Variants in DDX54 observed in about 807,000 individuals in gnomAD.
DDX54 encodes DEAD-box helicase 54.
Under a neutral mutation model 105.5 loss-of-function variants are expected in DDX54, and 67 were observed. The ratio of observed to expected loss-of-function variants is 0.64; its 90% CI spans 0.52 to 0.78. The LOEUF is 0.78. Among genes scored for constraint, DDX54 ranks in the 30% least tolerant of loss-of-function variants. The probability of loss-of-function intolerance (pLI) is 0.00; values close to 1 mark genes in which losing one functional copy is unlikely to be tolerated. For synonymous variants in DDX54, 514 were observed against 509.9 expected (o/e 1.01, Z -0.11); for missense variants, 1,206 against 1,230.5 (o/e 0.98, Z 0.30).
intron 7 of DDX54, among the ~76,000 whole-genome samples, chr12:113,175,720 C>T (rs961642816): frequency 5.3e-5 from 8 of 151,500 alleles, no homozygotes; most frequent in East Asian, 1.9e-4. Context: ...ACCCAGGAGG[C>T]GGAGCTTGCA....
In DDX54 at chr12:113,158,621, A is replaced by C. The variant is rs565984923; in HGVS notation, c.*256T>G. The C allele has an allele frequency of 2.2e-6, 1 of 464,854 alleles. No individual in the cohort carries two copies. The highest frequency in any genetic ancestry group is 2.0e-5 in the African/African-American group (1 of 49,904). The allele number at this position is 464,854 out of a possible 1,614,324, so 28.8% of individuals were successfully genotyped here. On this transcript the variant is annotated 3_prime_UTR_variant, in exon 20 of 20. Transcript: ENST00000306014. The surrounding 1 kb of genome is among the most constrained non-coding windows in gnomAD (Gnocchi z 4.9). ...GGAAGCAGCAGCAGCTGAGTTGCCA[A>C]CTCAAGTCTTGGCCTGCCTGGCTTT...
At chr12:113,178,956 C>T in intron 5 of DDX54, 21 bp downstream of exon 5, 1 of 1,613,622 alleles carries the variant, frequency 6.2e-7, no homozygotes. Flanking sequence ...GTGACCCTGG[C>T]ATGGGGTGCA....
chr12:113,167,584 C>T (rs987502792), intron 12 of DDX54, among the ~76,000 whole-genome samples: 6 of 152,166 alleles, frequency 3.9e-5, no homozygotes, highest in African/African-American at 1.4e-4. Context: ...CCAAGGGGCA[C>T]GTGGTAAGGG....
chr12:113,158,954 G>T lies in DDX54; in HGVS notation c.2569C>A (p.Arg857Ser). ...LKQLSARNRR[R>S]VQELQQGAFG... is the part of the protein sequence containing the mutation. ...GCGCCCTGCTGCAGCTCCTGGACGC[G>T]GCGGCGGTTGCGGGCAGAGAGCTGC... The change falls in exon 20 of 20, where the codon CGC becomes AGC. Residue 857 changes from arginine to serine, a missense_variant. Physicochemically the swap from Arg to Ser is moderately radical, Grantham distance 110. This residue lies in a region of DDX54 where 961 missense variants were observed against 1,019.1 expected (regional missense o/e 0.94). Transcript: ENST00000306014. The surrounding 1 kb of genome is among the most constrained non-coding windows in gnomAD (Gnocchi z 4.9). The T allele has an allele frequency of 1.2e-6, 2 of 1,611,510 alleles. No individual in the cohort carries two copies. The highest frequency in any genetic ancestry group is 1.7e-6 in the Non-Finnish European group (2 of 1,178,950).
At position 113,175,016 on chromosome 12, in the gene DDX54, TCCA is replaced by T. The variant is rs772706651; in HGVS notation, c.874+17_874+19del. ...CCCAGCCTGACCCCCAGCCCCCATC[TCCA>T]CCCCCAGCTCACGCACCAGCCCGGG... On this transcript the variant is annotated intron_variant, in intron 8 of 19. Coordinates refer to ENST00000306014, the MANE Select transcript of DDX54 (RefSeq NM_024072.4). 2 of 1,608,024 alleles carry T rather than the reference TCCA, an allele frequency of 1.2e-6. No homozygotes were observed. The highest frequency in any genetic ancestry group is 4.5e-5 in the East Asian group (2 of 44,732).
rs529338717 is a variant in DDX54 at position 113,184,678 on chromosome 12, T to C, written c.174+600A>G. On this transcript the variant is annotated intron_variant, in intron 1 of 19. Transcript: ENST00000306014. ...CCGTCTCTACAAAAAATTTAAAAAT[T>C]ATCCGGGCGTGGTGGCGCATGTCTG... is the stretch of plus-strand genomic sequence containing the variant. 8.2e-4 allele frequency among the ~76,000 whole-genome samples: 124 copies of C among 152,102 alleles called. 1 individual carries two copies. Among genetic ancestry groups the C allele is most frequent in the Non-Finnish European group, 1.3e-3 (91 of 67,992 alleles).
chr12:113,185,113 G>A (rs1312636895), intron 1 of DDX54, among the ~76,000 whole-genome samples, 165 bp downstream of exon 1: 4 of 152,108 alleles, frequency 2.6e-5, no homozygotes, highest in African/African-American at 7.3e-5. Flanking sequence ...GACAAGCCCC[G>A]AGACACGTGC....
rs1034363109 is a variant in DDX54 at position 113,157,522 on chromosome 12, G to T, written c.*1355C>A. The T allele has an allele frequency of 5.1e-6, 6 of 1,172,176 alleles. No homozygotes were observed. The highest frequency in any genetic ancestry group is 5.0e-6 in the Non-Finnish European group (4 of 806,510). The allele number at this position is 1,172,176 out of a possible 1,614,324, so 72.6% of individuals were successfully genotyped here. A position where few individuals can be genotyped will look rare whatever the true frequency, so the allele number is the denominator to read the frequency against. On this transcript the variant is annotated 3_prime_UTR_variant, in exon 20 of 20. Coordinates refer to ENST00000306014, the MANE Select transcript of DDX54 (RefSeq NM_024072.4). ...ATCTCCAGTCCCCGCCCTACCTTTC[G>T]GCCTCCCCCGCGTGTTGAGGGGTGG...
Position 113,162,996 on chromosome 12 carries a change from C to A in DDX54, c.2131G>T (p.Ala711Ser), listed in dbSNP as rs61740930. 6.2e-7 allele frequency: 1 copy of A among 1,609,246 alleles called. No individual in the cohort carries two copies. Among genetic ancestry groups the A allele is most frequent in the Non-Finnish European group, 8.5e-7 (1 of 1,179,820 alleles). ...GGAFEQQAAG[A>S]VLDLMGDEAQ... ...TCATCCCCCATCAAGTCCAGGACAG[C>A]GCCAGCTGCCTGCTGCTCAAAGGCT... Residue 711 changes from alanine to serine, a missense_variant, in exon 17 of 20, where the codon GCT becomes TCT. Ala to Ser is a moderately conservative substitution (Grantham distance 99, BLOSUM62 1). Transcript: ENST00000306014.
At chr12:113,166,124 T>A in intron 12 of DDX54, 92 bp from the exon 13 acceptor site, 1 of 1,253,786 alleles carries the variant, frequency 8.0e-7, no homozygotes, top group Non-Finnish European at 1.1e-6. Flanking sequence ...CCCTGGCCCC[T>A]GAATCACAGG....
rs148120560 is a variant in DDX54 at position 113,185,290 on chromosome 12, G to A, written c.162C>T (p.Ala54=). ...GEFEIQAEDD[A]RARKLGPGRP... is the part of the protein sequence containing the mutation. ...CCCACGCGCCTACCTTCCGGGCCCGGGCGTCATCTTCCGCCTGGATCTCAA... is the reference window on the plus strand; with the variant it reads ...CCCACGCGCCTACCTTCCGGGCCCGAGCGTCATCTTCCGCCTGGATCTCAA... The change falls in exon 1 of 20, where the codon GCC becomes GCT. Residue 54 remains alanine (A), a synonymous_variant. Coordinates refer to ENST00000306014, the MANE Select transcript of DDX54 (RefSeq NM_024072.4). 2.3e-5 allele frequency: 36 copies of A among 1,574,200 alleles called. No homozygotes were observed. The highest frequency in any genetic ancestry group is 2.9e-5 in the Non-Finnish European group (34 of 1,162,638).
chr12:113,179,215 C>A lies in DDX54; in HGVS notation c.492G>T (p.Gln164His). The change falls in exon 4 of 20, where the codon CAG (glutamine) becomes CAT (histidine). Residue 164 changes from glutamine to histidine, a missense_variant. Physicochemically the swap from Gln to His is conservative, Grantham distance 24 (BLOSUM62 0). Around this residue, in one of 3 missense-constraint regions of DDX54, gnomAD observed 961 missense variants for 1,019.1 expected, o/e 0.94. Coordinates refer to ENST00000306014, the MANE Select transcript of DDX54 (RefSeq NM_024072.4). ...MFERLKTHSA[Q>H]TGARALILSP... ...AGAGGATGAGGGCGCGGGCCCCGGT[C>A]TGGGCACTGTGGGTCTTGAGCCGCT... The A allele has an allele frequency of 6.2e-7, 1 of 1,614,170 alleles. No homozygotes were observed. Among genetic ancestry groups the A allele is most frequent in the Non-Finnish European group, 8.5e-7 (1 of 1,180,020 alleles).
At chr12:113,170,448 C>T (rs1952323445) in intron 11 of DDX54, among the ~76,000 whole-genome samples, 1 of 152,140 alleles carries the variant, frequency 6.6e-6, no homozygotes, top group African/African-American at 2.4e-5. Context: ...CGAGAACAGC[C>T]TGGGCAAAAT....
intron 1 of DDX54, among the ~76,000 whole-genome samples, chr12:113,183,351 C>T (rs1367597018): frequency 6.6e-6 from 1 of 152,242 alleles, no homozygotes. Flanking sequence ...TAATAACCAC[C>T]TCTGCCCGCC....
Position 113,158,900 on chromosome 12 carries a change from C to G in DDX54, c.2623G>C (p.Gly875Arg). The G allele has an allele frequency of 6.2e-7, 1 of 1,606,064 alleles. No individual in the cohort carries two copies. Among genetic ancestry groups the G allele is most frequent in the Non-Finnish European group, 8.5e-7 (1 of 1,174,282 alleles). The change falls in exon 20 of 20, where the codon GGC (glycine) becomes CGC (arginine). Residue 875 changes from glycine to arginine, a missense_variant. Physicochemically the swap from Gly to Arg is moderately radical, Grantham distance 125. Transcript: ENST00000306014. The surrounding 1 kb of genome is among the most constrained non-coding windows in gnomAD (Gnocchi z 4.9). The part of the protein sequence containing the change: ...AFGRGARSKK[G>R]KMRKRM ...CCTCACATCCTCTTCCGCATCTTGC[C>G]CTTCTTGGAGCGGGCACCCCGGCCG...
At chr12:113,166,347 G>A (rs1245943366) in intron 12 of DDX54, among the ~76,000 whole-genome samples, 1 of 151,984 alleles carries the variant, frequency 6.6e-6, no homozygotes, top group Non-Finnish European at 1.5e-5. Flanking sequence ...GGGTTGAAGA[G>A]CCACCCTGGA....
chr12:113,166,005 C>G lies in DDX54; in HGVS notation c.1442G>C (p.Gly481Ala). Residue 481 changes from glycine to alanine, a missense_variant, in exon 13 of 20, where the codon GGT (glycine) becomes GCT (alanine). Around this residue, in one of 3 missense-constraint regions of DDX54, gnomAD observed 961 missense variants for 1,019.1 expected, o/e 0.94. Coordinates refer to ENST00000306014, the MANE Select transcript of DDX54 (RefSeq NM_024072.4). ...SGVAGVDGML[G>A]RVPQSVVDEE... is the part of the protein sequence containing the mutation. ...GTCCACCACACTCTGTGGCACCCGA[C>G]CCAGCATGCCATCCACACCGGCCAC... 1 of 1,609,710 alleles carries G rather than the reference C, an allele frequency of 6.2e-7. No homozygotes were observed. Among genetic ancestry groups the G allele is most frequent in the African/African-American group, 1.3e-5 (1 of 75,052 alleles).
chr12:113,185,183 G>A (rs1952514259), intron 1 of DDX54, 95 bp downstream of exon 1: 1 of 1,393,204 alleles, frequency 7.2e-7, no homozygotes. Flanking sequence ...CACACTCTGC[G>A]GAGCCCAATC....
Position 113,179,959 on chromosome 12 carries a change from C to A in DDX54, c.351G>T (p.Lys117Asn). 9 of 1,614,126 alleles carry A rather than the reference C, an allele frequency of 5.6e-6. No individual in the cohort carries two copies. Among genetic ancestry groups the A allele is most frequent in the Non-Finnish European group, 7.6e-6 (9 of 1,180,032 alleles). The change falls in exon 3 of 20, where the codon AAG becomes AAT. Residue 117 changes from lysine (K) to asparagine (N), a missense_variant. Physicochemically the swap from Lys to Asn is moderately conservative, Grantham distance 94. Around this residue, in one of 3 missense-constraint regions of DDX54, gnomAD observed 33 missense variants for 56.0 expected, o/e 0.59. Transcript: ENST00000306014. ...CCTTCCTCTGGATGGGTGTTGGCAC[C>A]TTGTACCCCTTCTTCATGATGCCTT... ...VFKGIMKKGY[K>N]VPTPIQRKTI...
Sources: gnomAD v4.1 joint callset for allele counts (sites outside exome capture counted in the v4.1 genomes callset) on GRCh38, gnomAD v4.1.1 for gene constraint, gnomAD v4.1.1 regional missense constraint, Gnocchi (gnomAD v3.1) non-coding constraint, MANE v1.5 for transcripts, NCBI Gene and HGNC (gene_info 2026-07-23, HGNC 2026-07-21) for gene names.